CHEK1: variants seen among roughly 807,000 people sequenced by gnomAD.
CHEK1 encodes the protein serine/threonine-protein kinase Chk1.
A neutral mutation model predicts 60.2 loss-of-function variants in CHEK1; 32 were observed. That is an observed-to-expected ratio of 0.53 (90% confidence interval 0.40 to 0.71). The LOEUF (loss-of-function observed/expected upper bound fraction) is 0.71. CHEK1 is among the 30% of genes least tolerant of loss of function. The probability of loss-of-function intolerance (pLI) is 0.00; values close to 1 mark genes in which losing one functional copy is unlikely to be tolerated. For synonymous variants in CHEK1, 179 were observed against 187.2 expected, an observed-to-expected ratio of 0.96 and a Z score of 0.36; for missense variants, 399 against 564.6, an observed-to-expected ratio of 0.71 and a Z score of 2.97.
chr11:125,677,978 G>A (rs770576227), downstream of CHEK1: 9 of 1,612,346 alleles, frequency 5.6e-6, no homozygotes, highest in Admixed American at 1.7e-5. Context: ...GTTCTCCGGA[G>A]AGGTGTTCAC....
chr11:125,644,178 A>C lies in CHEK1; in HGVS notation c.1011A>C (p.Lys337Asn). ...ATACCAGCCCCTCATACATTGATAAATTGGTACAAGGGATCAGCTTTTCCC... is the reference window on the plus strand; with the variant it reads ...ATACCAGCCCCTCATACATTGATAACTTGGTACAAGGGATCAGCTTTTCCC... ...LWDTSPSYID[K>N]LVQGISFSQP... The change falls in exon 10 of 13, where the codon AAA becomes AAC. Residue 337 changes from lysine (K) to asparagine (N), a missense_variant. Physicochemically the swap from Lys to Asn is moderately conservative, Grantham distance 94 (BLOSUM62 0). Around this residue, in one of 2 missense-constraint regions of CHEK1, gnomAD observed 370 missense variants for 494.8 expected, o/e 0.75. Transcript: ENST00000438015. 1.2e-6 allele frequency: 2 copies of C among 1,614,140 alleles called. No homozygotes were observed. The highest frequency in any genetic ancestry group is 8.5e-7 in the Non-Finnish European group (1 of 1,180,014).
At chr11:125,670,877 T>C (rs1343574692) in intron 13 of CHEK1, among the ~76,000 whole-genome samples, 1 of 152,282 alleles carries the variant, frequency 6.6e-6, no homozygotes, top group East Asian at 1.9e-4. Flanking sequence ...AACATATAAT[T>C]GTTACCTGTG....
intron 13 of CHEK1, among the ~76,000 whole-genome samples, chr11:125,673,724 T>G (rs538424822): frequency 6.6e-6 from 1 of 152,338 alleles, no homozygotes; most frequent in African/African-American, 2.4e-5. Flanking sequence ...TTTTGTGAGT[T>G]TCCTTTATAT....
At chr11:125,639,374 ACTTTTCTCTTTTTTTTTTTTTTTTTTTT>A (rs1941192922) in intron 8 of CHEK1, among the ~76,000 whole-genome samples, 5 of 120,970 alleles carry the variant, frequency 4.1e-5, no homozygotes, top group Non-Finnish European at 6.7e-5. Context: ...TTTTTATAAT[ACTTTTCTCTTTTTTTTTTTTTTTTTTTT>A]GAGACAGGGT....
chr11:125,669,254 T>G (rs1284651003), intron 13 of CHEK1, among the ~76,000 whole-genome samples: 3 of 152,218 alleles, frequency 2.0e-5, no homozygotes, highest in Non-Finnish European at 4.4e-5. Flanking sequence ...AGCTTTGGTT[T>G]ATATGGAAAT....
chr11:125,644,570 A>G lies in CHEK1; in HGVS notation c.1160A>G (p.Asp387Gly). The G allele has an allele frequency of 1.2e-6, 2 of 1,614,188 alleles. No individual in the cohort carries two copies. The highest frequency in any genetic ancestry group is 1.7e-6 in the Non-Finnish European group (2 of 1,180,030). The part of the protein sequence containing the change: ...MTRFFTKLDA[D>G]KSYQCLKETC... ...CGATTCTTTACCAAATTGGATGCAGACAAATCTTATCAATGCCTGAAAGAG... is the reference window on the plus strand; with the variant it reads ...CGATTCTTTACCAAATTGGATGCAGGCAAATCTTATCAATGCCTGAAAGAG... Residue 387 changes from aspartate (D) to glycine (G), a missense_variant, in exon 11 of 13, where the codon GAC (aspartate) becomes GGC (glycine). By Grantham distance (94) the Asp-to-Gly change is moderately conservative. This residue lies in a region of CHEK1 where 370 missense variants were observed against 494.8 expected (regional missense o/e 0.75). Coordinates refer to ENST00000438015, the MANE Select transcript of CHEK1 (RefSeq NM_001114122.3).
chr11:125,672,451 A>G, intron 13 of CHEK1: 1 of 898,184 alleles, frequency 1.1e-6, no homozygotes, highest in Non-Finnish European at 1.7e-6. Context: ...GAAGAAAGAT[A>G]GGATGTTTGA....
At chr11:125,667,391 A>C (rs1427034560) in intron 13 of CHEK1, among the ~76,000 whole-genome samples, 3 of 152,030 alleles carry the variant, frequency 2.0e-5, no homozygotes, top group Non-Finnish European at 4.4e-5. Flanking sequence ...CTCTATTGTA[A>C]ATGAGATTGT....
At chr11:125,661,243 T>A (rs558024405), downstream of CHEK1, among the ~76,000 whole-genome samples, 30 of 152,322 alleles carry the variant, frequency 2.0e-4, no homozygotes, top group African/African-American at 6.5e-4. Context: ...TCTATCATCT[T>A]ACTTTGGTTC....
downstream of CHEK1, among the ~76,000 whole-genome samples, chr11:125,659,753 C>T (rs116254370): frequency 6.4e-3 from 968 of 152,210 alleles, 8 homozygotes; most frequent in African/African-American, 0.022. Flanking sequence ...CTTTAAAGTG[C>T]ACTTCTGTGG....
At chr11:125,674,690 G>A (rs1446580563) in intron 13 of CHEK1, among the ~76,000 whole-genome samples, 1 of 152,172 alleles carries the variant, frequency 6.6e-6, no homozygotes, top group East Asian at 1.9e-4. Context: ...ACCTGGATGG[G>A]CTACTGGCTC....
intron 11 of CHEK1, among the ~76,000 whole-genome samples, chr11:125,648,719 G>C (rs1941600391): frequency 6.6e-6 from 1 of 150,986 alleles, no homozygotes; most frequent in Non-Finnish European, 1.5e-5. Context: ...ATGTTGAACA[G>C]AAATAGAGTC....
intron 8 of CHEK1, among the ~76,000 whole-genome samples, chr11:125,639,363 G>A (rs1162309748): frequency 4.4e-5 from 6 of 136,610 alleles, no homozygotes; most frequent in Admixed American, 2.2e-4. Flanking sequence ...CCTAAATCAC[G>A]TTTTTATAAT....
intron 13 of CHEK1, among the ~76,000 whole-genome samples, chr11:125,674,877 C>A (rs753943651): frequency 5.3e-5 from 8 of 152,218 alleles, no homozygotes; most frequent in Non-Finnish European, 1.0e-4. Flanking sequence ...TCCAGTCAAC[C>A]TTTCCAAGTT....
intron 7 of CHEK1, among the ~76,000 whole-genome samples, chr11:125,636,813 G>T: frequency 6.7e-6 from 1 of 149,496 alleles, no homozygotes; most frequent in African/African-American, 2.5e-5. Context: ...TTGCTATATT[G>T]ACATTCAAAT....
intron 13 of CHEK1, chr11:125,672,360 A>C: frequency 2.0e-6 from 1 of 493,140 alleles, no homozygotes; most frequent in Non-Finnish European, 3.5e-6. Context: ...AATTTATTGA[A>C]AAAAAAATCA....
chr11:125,635,529 T>G lies in CHEK1; in HGVS notation c.714T>G (p.Pro238=). ...LNPWKKIDSA[P]LALLHKILVE... is the part of the protein sequence containing the mutation. Reference sequence around the variant, plus strand: ...CTTGGAAAAAAATCGATTCTGCTCCTCTAGGTAACTGAATTATCTTGAGTG... The same window carrying G: ...CTTGGAAAAAAATCGATTCTGCTCCGCTAGGTAACTGAATTATCTTGAGTG... Residue 238 remains proline (P), a synonymous_variant, in exon 7 of 13, where the codon CCT becomes CCG. Transcript: ENST00000438015. The G allele has an allele frequency of 6.3e-7, 1 of 1,583,972 alleles. No individual in the cohort carries two copies.
At chr11:125,650,723 C>T (rs928793866) in intron 11 of CHEK1, among the ~76,000 whole-genome samples, 2 of 151,988 alleles carry the variant, frequency 1.3e-5, no homozygotes, top group East Asian at 1.9e-4. Flanking sequence ...GCACCATGCC[C>T]GGCCCTAGTG....
Position 125,666,618 on chromosome 11 carries a change from G to A in CHEK1, c.*28-9310G>A, listed in dbSNP as rs78323239. Among the ~76,000 whole-genome samples, 605 of 152,226 alleles carry A rather than the reference G, an allele frequency of 4.0e-3. 1 individual carries two copies. Among genetic ancestry groups the A allele is most frequent in the African/African-American group, 0.014 (589 of 41,556 alleles). On this transcript the variant is annotated intron_variant, in intron 13 of 13. Coordinates refer to the CHEK1 transcript ENST00000428830. ...TGAAGACCCCTAATATTACTGTATTGCAGTCGGTCTCTTCCTTTAGATCTA... is the reference window on the plus strand; with the variant it reads ...TGAAGACCCCTAATATTACTGTATTACAGTCGGTCTCTTCCTTTAGATCTA...
Sources: gnomAD v4.1 joint callset for allele counts (sites outside exome capture counted in the v4.1 genomes callset) on GRCh38, gnomAD v4.1.1 for gene constraint, gnomAD v4.1.1 regional missense constraint, MANE v1.5 for transcripts, NCBI Gene and HGNC (gene_info 2026-07-23, HGNC 2026-07-21) for gene names.